PGM5: variants seen among roughly 807,000 people sequenced by gnomAD.
PGM5 encodes the protein phosphoglucomutase 5.
Under a neutral mutation model 59.2 loss-of-function variants are expected in PGM5, and 23 were observed. That is an observed-to-expected ratio of 0.39 (90% CI 0.28 to 0.55). PGM5 has a LOEUF of 0.55. PGM5 is among the 20% of genes least tolerant of loss of function. PGM5 has a pLI of 0.66. For missense variants in PGM5, 574 were observed against 748.3 expected (o/e 0.77, Z 2.72); for synonymous variants, 214 against 286.0 (o/e 0.75, Z 2.54).
At chr9:68,402,425 A>C (rs1822697653) in intron 6 of PGM5, 1 of 152,138 alleles carries the variant, frequency 6.6e-6, no homozygotes, top group Non-Finnish European at 1.5e-5. Context: ...TCTTTGAATG[A>C]CTCTAGTTCC....
chr9:68,423,655 GTC>G (rs111849049), intron 6 of PGM5, among the ~76,000 whole-genome samples: 16,902 of 145,524 alleles, frequency 0.12, 896 homozygotes, highest in Middle Eastern at 0.19. Flanking sequence ...CTCTCTCTCT[GTC>G]TCTCTCTCTC....
At chr9:68,487,463 TACACACACACACACACAC>T (rs67566624) in intron 9 of PGM5, among the ~76,000 whole-genome samples, 7 of 141,874 alleles carry the variant, frequency 4.9e-5, no homozygotes, top group Admixed American at 2.9e-4. Flanking sequence ...CACACGCACA[TACACACACACACACACAC>T]ACACACACAC....
intron 7 of PGM5, among the ~76,000 whole-genome samples, chr9:68,475,377 T>G (rs1183114756): frequency 2.0e-5 from 3 of 151,942 alleles, no homozygotes; most frequent in African/African-American, 7.3e-5. Flanking sequence ...AATAATACGT[T>G]GTTATTGCGA....
chr9:68,477,188 C>G (rs1554686734), intron 7 of PGM5, among the ~76,000 whole-genome samples: 1 of 152,114 alleles, frequency 6.6e-6, no homozygotes, highest in South Asian at 2.1e-4. Flanking sequence ...TCCTGTTAAC[C>G]CAGAGGCAAC....
At chr9:68,426,201 T>C (rs191220583) in intron 6 of PGM5, among the ~76,000 whole-genome samples, 1 of 152,026 alleles carries the variant, frequency 6.6e-6, no homozygotes, top group Non-Finnish European at 1.5e-5. Context: ...GTGTTTAAAT[T>C]TTCTACTCTG....
intron 6 of PGM5, among the ~76,000 whole-genome samples, chr9:68,458,603 C>G (rs1346895206): frequency 1.3e-5 from 2 of 152,200 alleles, no homozygotes; most frequent in Non-Finnish European, 2.9e-5. Flanking sequence ...TTGAACCTCA[C>G]AACCTCTCTG....
rs553089638 is a variant in PGM5, at chr9:68,479,572, G to A, written c.1295+19G>A. ...ATTGCAGGTGAGGAGAAGGGGAAGG[G>A]TCTCTGTATGGACCCTGAAGAACTA... On this transcript the variant is annotated intron_variant, in intron 8 of 10. Coordinates refer to ENST00000396396, the MANE Select transcript of PGM5 (RefSeq NM_021965.4). 4 of 1,612,198 alleles carry A rather than the reference G, an allele frequency of 2.5e-6. No homozygotes were observed. The highest frequency in any genetic ancestry group is 1.7e-5 in the Admixed American group (1 of 59,922).
Position 68,419,346 on chromosome 9 carries a change from A to G in PGM5, c.1043+26873A>G, listed in dbSNP as rs1474560778. Among the ~76,000 whole-genome samples the G allele has an allele frequency of 2.0e-5, 3 of 152,152 alleles. No individual in the cohort carries two copies. In the East Asian group the frequency reaches 5.8e-4, roughly 29 times the overall value. On this transcript the variant is annotated intron_variant, in intron 6 of 10. Coordinates refer to ENST00000396396, the MANE Select transcript of PGM5 (RefSeq NM_021965.4). The stretch of plus-strand genomic sequence containing the variant: ...CATCACTGGCCATTTTATGGGCAAA[A>G]CAGCAAAACACAAATAGGTTTAATG...
intron 6 of PGM5, among the ~76,000 whole-genome samples, chr9:68,432,895 C>T (rs1823378523): frequency 6.6e-6 from 1 of 152,228 alleles, no homozygotes; most frequent in Non-Finnish European, 1.5e-5. Context: ...GCACGAGCCA[C>T]TGCGCCTGGC....
At chr9:68,466,264 C>CTT in intron 7 of PGM5, 2 of 883,754 alleles carry the variant, frequency 2.3e-6, no homozygotes, top group Admixed American at 5.2e-5. Context: ...TTCTCCGATA[C>CTT]TGTGTGTTTT....
intron 6 of PGM5, among the ~76,000 whole-genome samples, chr9:68,442,601 A>G (rs1366426887): frequency 1.3e-5 from 2 of 152,238 alleles, no homozygotes; most frequent in Admixed American, 6.5e-5. Context: ...ATGAAGCAGA[A>G]TAGAGAGTCC....
intron 8 of PGM5, among the ~76,000 whole-genome samples, chr9:68,482,826 G>A (rs1242951454): frequency 6.6e-6 from 1 of 152,222 alleles, no homozygotes; most frequent in African/African-American, 2.4e-5. Context: ...ACAAGTGCCT[G>A]GCACTGTGCC....
chr9:68,488,648 T>C (rs1338299719), intron 9 of PGM5, among the ~76,000 whole-genome samples: 1 of 152,180 alleles, frequency 6.6e-6, no homozygotes, highest in African/African-American at 2.4e-5. Flanking sequence ...CTGATGCATG[T>C]GTGACCTCGG....
At chr9:68,478,412 G>T (rs1183616726) in intron 7 of PGM5, among the ~76,000 whole-genome samples, 3 of 152,182 alleles carry the variant, frequency 2.0e-5, no homozygotes, top group South Asian at 2.1e-4. Context: ...CTTCTCAGGG[G>T]TTAGCTCAGA....
At chr9:68,497,869 T>C (rs1824505899) in intron 9 of PGM5, 2 of 152,168 alleles carry the variant, frequency 1.3e-5, no homozygotes, top group Admixed American at 6.5e-5. Context: ...AGTCACAGTA[T>C]CATCTTATGG....
intron 9 of PGM5, among the ~76,000 whole-genome samples, chr9:68,492,800 T>C (rs925026597): frequency 2.0e-5 from 3 of 152,212 alleles, no homozygotes; most frequent in Non-Finnish European, 2.9e-5. Flanking sequence ...TAGGTGGGTT[T>C]TTTTAGTGTG....
At chr9:68,357,954 C>CAA (rs1381333997) in intron 1 of PGM5, 6 of 156,786 alleles carry the variant, frequency 3.8e-5, no homozygotes, top group African/African-American at 1.5e-4. Context: ...CACACACACA[C>CAA]ACACACACAC....
intron 6 of PGM5, chr9:68,406,477 A>C (rs1424651140): frequency 6.7e-6 from 1 of 149,408 alleles, no homozygotes; most frequent in Non-Finnish European, 1.5e-5. Flanking sequence ...ATGGTAACTC[A>C]TTAATCCACT....
intron 9 of PGM5, chr9:68,498,730 G>T (rs1185493067): frequency 6.4e-6 from 1 of 155,668 alleles, no homozygotes; most frequent in African/African-American, 2.4e-5. Flanking sequence ...TGAGGCTCCA[G>T]CCCTGGGCAC....
Sources: allele counts gnomAD v4.1 joint callset (sites outside exome capture counted in the v4.1 genomes callset), GRCh38; gene constraint gnomAD v4.1.1; transcripts MANE v1.5; gene names NCBI Gene and HGNC (gene_info 2026-07-23, HGNC 2026-07-21).